Variants in ZNF596 observed in about 807,000 individuals in gnomAD.
ZNF596 encodes zinc finger protein 596.
ZNF596 carries 45 observed loss-of-function variants against 48.3 expected under a neutral mutation model. That is an observed-to-expected ratio of 0.93 (90% CI 0.73 to 1.19). ZNF596 has a LOEUF of 1.19. Ranked by LOEUF, ZNF596 falls within the 50% of genes most tolerant of loss-of-function variation. The pLI, the probability that ZNF596 is intolerant of heterozygous loss-of-function variation, is 0.00. For missense variants in ZNF596, 848 were observed against 599.7 expected (o/e 1.41, Z -4.32); for synonymous variants, 270 against 202.0 (o/e 1.34, Z -2.85).
intron 1 of ZNF596, among the ~76,000 whole-genome samples, chr8:234,140 G>C (rs1473163518): frequency 6.6e-6 from 1 of 152,208 alleles, no homozygotes; most frequent in Non-Finnish European, 1.5e-5. Context: ...AAGTGAGAGA[G>C]CCTGGGAAGT....
chr8:236,585 G>A (rs1584901890), intron 1 of ZNF596, among the ~76,000 whole-genome samples: 1 of 151,996 alleles, frequency 6.6e-6, no homozygotes, highest in African/African-American at 2.4e-5. Flanking sequence ...AATTTGGTAT[G>A]ATTTTTAAAG....
intron 1 of ZNF596, among the ~76,000 whole-genome samples, chr8:236,557 A>G (rs1477428880): frequency 6.6e-6 from 1 of 152,208 alleles, no homozygotes; most frequent in Non-Finnish European, 1.5e-5. Context: ...TTATTGATTA[A>G]GAAGAATTAG....
intron 4 of ZNF596, 124 bp from the exon 5 acceptor site, chr8:244,495 G>C: frequency 1.5e-6 from 1 of 689,508 alleles, no homozygotes; most frequent in Non-Finnish European, 2.6e-6. Flanking sequence ...TTAAAGTATG[G>C]TTAATTTAAC....
intron 1 of ZNF596, chr8:236,945 C>T (rs1039881834): frequency 2.0e-5 from 3 of 152,154 alleles, no homozygotes; most frequent in Non-Finnish European, 4.4e-5. Flanking sequence ...TTTTCTCCTT[C>T]AAAATAACTT....
intron 5 of ZNF596, 25 bp from the exon 6 acceptor site, chr8:245,129 T>A (rs539613710): frequency 6.5e-7 from 1 of 1,545,938 alleles, no homozygotes; most frequent in South Asian, 1.3e-5. Context: ...CCTTTAATAG[T>A]CTTTCATTTC....
At position 244,685 on chromosome 8, in the gene ZNF596, C is replaced by T; in HGVS notation, c.290C>T (p.Ser97Phe). ...CAACATATCTATCAGAAGGGCACGT[C>T]CACCATCAGCACAATGGTAAGCTTT... Reference protein sequence around the residue: ...FIQHIYQKGTSTISTMRSHTQ... With the variant: ...FIQHIYQKGTFTISTMRSHTQ... The change falls in exon 5 of 6, where the codon TCC becomes TTC. Residue 97 changes from serine (S) to phenylalanine (F), a missense_variant. Ser to Phe is a radical substitution (Grantham distance 155, BLOSUM62 -2). Transcript: ENST00000398612. The T allele has an allele frequency of 6.2e-7, 1 of 1,613,162 alleles. No individual in the cohort carries two copies. The highest frequency in any genetic ancestry group is 1.3e-5 in the African/African-American group (1 of 74,900).
At position 246,318 on chromosome 8, in the gene ZNF596, A is replaced by C; in HGVS notation, c.1471A>C (p.Arg491=). 1 of 1,602,290 alleles carries C rather than the reference A, an allele frequency of 6.2e-7. No homozygotes were observed. The highest frequency in any genetic ancestry group is 8.5e-7 in the Non-Finnish European group (1 of 1,176,336). The change falls in exon 6 of 6, where the codon AGA becomes CGA. Residue 491 remains arginine (R), a synonymous_variant. Transcript: ENST00000398612. ...AGCCTTTAGTAAATTTTTTAACCTT[A>C]GACAACATGAGAGAACTCACACTAA... ...GKAFSKFFNL[R]QHERTHTKKA... is the part of the protein sequence containing the mutation.
chr8:234,471 G>A (rs1052606277), intron 1 of ZNF596: 27 of 152,206 alleles, frequency 1.8e-4, no homozygotes, highest in South Asian at 2.1e-4. Context: ...AAGAGGGTGT[G>A]TTGATGAGAG....
chr8:244,759 C>T (rs1476443254), intron 5 of ZNF596, 58 bp downstream of exon 5: 3 of 1,459,350 alleles, frequency 2.1e-6, no homozygotes, highest in Non-Finnish European at 2.8e-6. Context: ...CATTAAACAA[C>T]TTTGGAATTT....
chr8:244,768 T>G, intron 5 of ZNF596, 67 bp downstream of exon 5: 1 of 1,329,672 alleles, frequency 7.5e-7, no homozygotes, highest in Non-Finnish European at 1.1e-6. Context: ...ACTTTGGAAT[T>G]TGGTACAGGT....
At position 245,280 on chromosome 8, in the gene ZNF596, G is replaced by T; in HGVS notation, c.433G>T (p.Gly145Trp). 1 of 1,614,028 alleles carries T rather than the reference G, an allele frequency of 6.2e-7. No homozygotes were observed. The highest frequency in any genetic ancestry group is 1.6e-4 in the Middle Eastern group (1 of 6,062). Residue 145 changes from glycine to tryptophan, a missense_variant, in exon 6 of 6, where the codon GGG (glycine) becomes TGG (tryptophan). Gly to Trp is a radical substitution (Grantham distance 184, BLOSUM62 -2). Coordinates refer to ENST00000398612, the MANE Select transcript of ZNF596 (RefSeq NM_001042416.3). ...RTKHFVSKKF[G>W]KIFSDWLSFN... ...GAAACACTTTGTAAGCAAAAAGTTT[G>T]GGAAAATCTTCAGTGACTGGTTATC...
Position 246,093 on chromosome 8 carries a change from GA to G in ZNF596, c.1251del (p.Lys417AsnfsTer86). ...LRRHERTHTG[E>X]KPYECHLCGK... ...ACGACATGAGAGAACTCACACTGGAGAAAAACCATATGAATGCCATCTATGC... is the reference window on the plus strand; with the variant it reads ...ACGACATGAGAGAACTCACACTGGAGAAAACCATATGAATGCCATCTATGC... On this transcript the variant is annotated frameshift_variant, in exon 6 of 6. Coordinates refer to ENST00000398612, the MANE Select transcript of ZNF596 (RefSeq NM_001042416.3). LOFTEE classifies it high-confidence loss of function. 6.2e-7 allele frequency: 1 copy of G among 1,613,436 alleles called. No individual in the cohort carries two copies. The highest frequency in any genetic ancestry group is 8.5e-7 in the Non-Finnish European group (1 of 1,179,464).
At chr8:232,924 C>G in intron 1 of ZNF596, 3 of 469,116 alleles carry the variant, frequency 6.4e-6, no homozygotes, top group South Asian at 4.6e-5. Flanking sequence ...TGTAACAACC[C>G]TCGTGCTTCT....
chr8:242,941 C>A lies in ZNF596; in HGVS notation c.67C>A (p.Leu23Met). Residue 23 changes from leucine (L) to methionine (M), a missense_variant, in exon 3 of 6, where the codon CTG becomes ATG. Physicochemically the swap from Leu to Met is conservative, Grantham distance 15. Transcript: ENST00000398612. ...IVDFTQEEWA[L>M]LDTSQRKLFQ... ...AGACTTCACTCAAGAAGAGTGGGCC[C>A]TGCTGGACACATCCCAGAGAAAGCT... 1 of 1,610,674 alleles carries A rather than the reference C, an allele frequency of 6.2e-7. No individual in the cohort carries two copies. Among genetic ancestry groups the A allele is most frequent in the East Asian group, 2.2e-5 (1 of 44,768 alleles).
rs563579435 is a variant in ZNF596 at position 240,877 on chromosome 8, T to C, written c.-19T>C. ...GAGTGAAAACCCAGAGGAATACATT[T>C]GGTGGCTGAGCTAGTACAATGCCAT... On this transcript the variant is annotated 5_prime_UTR_variant, in exon 2 of 6. Transcript: ENST00000398612. 2.4e-5 allele frequency: 39 copies of C among 1,614,100 alleles called. No individual in the cohort carries two copies. The South Asian group carries it at 3.7e-4, about 15-fold the overall frequency.
chr8:238,443 G>A (rs773673826), intron 1 of ZNF596, among the ~76,000 whole-genome samples: 39 of 151,880 alleles, frequency 2.6e-4, no homozygotes, highest in Non-Finnish European at 4.3e-4. Flanking sequence ...GCACAACCTT[G>A]AAAAATCAAG....
At chr8:232,414 G>A (rs1039849951), upstream of ZNF596, 6 of 210,492 alleles carry the variant, frequency 2.9e-5, no homozygotes, top group Non-Finnish European at 5.3e-5. Context: ...AGGTCCGCTC[G>A]GGTGAGTGCC....
chr8:245,002 T>C (rs1005744188), intron 5 of ZNF596, 152 bp from the exon 6 acceptor site: 51 of 948,288 alleles, frequency 5.4e-5, no homozygotes, highest in Middle Eastern at 3.4e-4. Flanking sequence ...AGTTAGATAA[T>C]ATACTACGTT....
chr8:233,440 G>A (rs1233067365), intron 1 of ZNF596: 1 of 280,196 alleles, frequency 3.6e-6, no homozygotes, highest in Non-Finnish European at 7.1e-6. Flanking sequence ...TTTACTAAAT[G>A]CTTTTTACAT....
Sources: allele counts gnomAD v4.1 joint callset (sites outside exome capture counted in the v4.1 genomes callset), GRCh38; gene constraint gnomAD v4.1.1; transcripts MANE v1.5; gene names NCBI Gene and HGNC (gene_info 2026-07-23, HGNC 2026-07-21).